Variants in CMYA5 observed in about 807,000 individuals in gnomAD.
CMYA5 encodes cardiomyopathy-associated protein 5.
Under a neutral mutation model 318.9 loss-of-function variants are expected in CMYA5, and 246 were observed. That is an observed-to-expected ratio of 0.77 (90% confidence interval 0.70 to 0.86). The LOEUF (loss-of-function observed/expected upper bound fraction) is 0.86. Among genes scored for constraint, CMYA5 ranks in the 40% least tolerant of loss-of-function variants. The pLI is 0.00. For missense variants in CMYA5, 4,589 were observed against 4,678.2 expected (o/e 0.98, Z 0.56); for synonymous variants, 1,641 against 1,729.5 (o/e 0.95, Z 1.27).
At chr5:79,766,601 T>C (rs544160877) in intron 9 of CMYA5, among the ~76,000 whole-genome samples, 1 of 152,326 alleles carries the variant, frequency 6.6e-6, no homozygotes, top group South Asian at 2.1e-4. Context: ...ATGTGATGGA[T>C]TATGTTTATT....
rs550255122 is a variant in CMYA5 at position 79,730,820 on chromosome 5, A to G, written c.2055A>G (p.Ser685=). 3 of 1,613,986 alleles carry G rather than the reference A, an allele frequency of 1.9e-6. No homozygotes were observed. Among genetic ancestry groups the G allele is most frequent in the Non-Finnish European group, 2.5e-6 (3 of 1,179,870 alleles). ...EYMVLSGDEA[S]ESGCYTPDST... The stretch of plus-strand genomic sequence containing the variant: ...TGGTCCTATCAGGAGACGAGGCCTC[A>G]GAAAGTGGGTGTTACACACCAGACT... The change falls in exon 2 of 13, where the codon TCA becomes TCG. Residue 685 remains serine (S), a synonymous_variant. Coordinates refer to ENST00000446378, the MANE Select transcript of CMYA5 (RefSeq NM_153610.5).
chr5:79,752,905 G>C, intron 6 of CMYA5, 111 bp downstream of exon 6: 1 of 680,134 alleles, frequency 1.5e-6, no homozygotes, highest in Non-Finnish European at 2.5e-6. Context: ...CATGTAACTG[G>C]AAAAAGAAAA....
At position 79,730,537 on chromosome 5, in the gene CMYA5, G is replaced by T. The variant is rs16877124; in HGVS notation, c.1772G>T (p.Gly591Val). The T allele has an allele frequency of 2.0e-5, 32 of 1,613,666 alleles. No individual in the cohort carries two copies. The highest frequency in any genetic ancestry group is 2.7e-5 in the Non-Finnish European group (32 of 1,179,868). ...EREEIASVST[G>V]SAFVSEYSVP... ...GAGGAAATTGCATCTGTTTCTACTG[G>T]TTCTGCTTTTGTATCAGAGTATTCA... The change falls in exon 2 of 13, where the codon GGT becomes GTT. Residue 591 changes from glycine to valine, a missense_variant. Transcript: ENST00000446378.
intron 10 of CMYA5, 148 bp from the exon 11 acceptor site, chr5:79,790,822 T>G: frequency 1.6e-6 from 1 of 612,606 alleles, no homozygotes; most frequent in South Asian, 2.0e-5. Flanking sequence ...TTATCATGAG[T>G]GAAGTTTTCA....
Position 79,714,490 on chromosome 5 carries a change from G to A in CMYA5, c.150-14425G>A, listed in dbSNP as rs1226346216. Among the ~76,000 whole-genome samples, 4 of 140,294 alleles carry A rather than the reference G, an allele frequency of 2.9e-5. No individual in the cohort carries two copies. The East Asian group carries it at 8.5e-4, about 30-fold the overall frequency. 92.0% of individuals were successfully genotyped at this position (140,294 alleles called of 152,430 possible). A position where few individuals can be genotyped will look rare whatever the true frequency, so the allele number is the denominator to read the frequency against. On this transcript the variant is annotated intron_variant, in intron 1 of 12. Transcript: ENST00000446378. The stretch of plus-strand genomic sequence containing the variant: ...GCTTTGTCTCCCAGGCTGGAGTGCA[G>A]TGCTGTGACTGACCATGGCTCACTG...
At chr5:79,746,082 C>A (rs1258158972) in intron 4 of CMYA5, among the ~76,000 whole-genome samples, 1 of 152,184 alleles carries the variant, frequency 6.6e-6, no homozygotes, top group Non-Finnish European at 1.5e-5. Flanking sequence ...GTGCTCCCTG[C>A]AATTCCCTAG....
intron 12 of CMYA5, among the ~76,000 whole-genome samples, chr5:79,796,274 A>G (rs259100): frequency 0.29 from 44,442 of 152,006 alleles, 6,938 homozygotes; most frequent in East Asian, 0.56. Flanking sequence ...AACACTAGAA[A>G]TGTGGCTGGT....
Position 79,734,142 on chromosome 5 carries a change from G to C in CMYA5, c.5377G>C (p.Glu1793Gln). The change falls in exon 2 of 13, where the codon GAA becomes CAA. Residue 1793 changes from glutamate to glutamine, a missense_variant. Physicochemically the swap from Glu to Gln is conservative, Grantham distance 29. Transcript: ENST00000446378. The stretch of plus-strand genomic sequence containing the variant: ...AGATATTTTAGATAAGCTAAGTGAA[G>C]AAACAGGCCACCCAAATTCATCCCA... ...MGDILDKLSE[E>Q]TGHPNSSQVL... 3.7e-6 allele frequency: 6 copies of C among 1,613,762 alleles called. No individual in the cohort carries two copies. Among genetic ancestry groups the C allele is most frequent in the Non-Finnish European group, 4.2e-6 (5 of 1,179,828 alleles).
At position 79,799,870 on chromosome 5, in the gene CMYA5, T is replaced by C; in HGVS notation, c.*254T>C. The C allele has an allele frequency of 5.7e-5, 9 of 158,418 alleles. No individual in the cohort carries two copies. Among genetic ancestry groups the C allele is most frequent in the South Asian group, 3.1e-4 (2 of 6,390 alleles). 9.8% of individuals were successfully genotyped at this position (158,418 alleles called of 1,614,324 possible). ...TATAAGTTTGAGTTCTTTCCTAAAT[T>C]AAAAGATCTACACTTGAGTTGGGAA... On this transcript the variant is annotated 3_prime_UTR_variant, in exon 13 of 13. Coordinates refer to ENST00000446378, the MANE Select transcript of CMYA5 (RefSeq NM_153610.5).
chr5:79,772,724 C>T (rs1165124218), intron 9 of CMYA5, among the ~76,000 whole-genome samples: 3 of 152,138 alleles, frequency 2.0e-5, no homozygotes, highest in Non-Finnish European at 4.4e-5. Flanking sequence ...ATTTTTATCT[C>T]TTTGGTTCTT....
At position 79,737,018 on chromosome 5, in the gene CMYA5, C is replaced by A. The variant is rs1160615240; in HGVS notation, c.8253C>A (p.Ser2751Arg). 4 of 1,613,484 alleles carry A rather than the reference C, an allele frequency of 2.5e-6. No individual in the cohort carries two copies. In the East Asian group the frequency reaches 8.9e-5, roughly 36 times the overall value. Reference sequence around the variant, plus strand: ...GAAATCTAGTGTTAGAAAAGTCAAGCAGAGATATGCCAGATCACAGTGAAG... The same window carrying A: ...GAAATCTAGTGTTAGAAAAGTCAAGAAGAGATATGCCAGATCACAGTGAAG... ...QEGNLVLEKS[S>R]RDMPDHSEEK... is the part of the protein sequence containing the mutation. The change falls in exon 2 of 13, where the codon AGC (serine) becomes AGA (arginine). Residue 2751 changes from serine to arginine, a missense_variant. This residue lies in a region of CMYA5 where 2,431 missense variants were observed against 2,495.1 expected (regional missense o/e 0.97). Coordinates refer to ENST00000446378, the MANE Select transcript of CMYA5 (RefSeq NM_153610.5).
intron 9 of CMYA5, among the ~76,000 whole-genome samples, chr5:79,776,818 A>G (rs926169102): frequency 7.3e-5 from 11 of 150,576 alleles, no homozygotes; most frequent in African/African-American, 2.8e-4. Context: ...TCTGTGGTAC[A>G]CTGCAGTGAC....
chr5:79,798,555 T>C (rs930165214), intron 12 of CMYA5, among the ~76,000 whole-genome samples: 1 of 146,728 alleles, frequency 6.8e-6, no homozygotes. Flanking sequence ...TAAATGTGTC[T>C]AGTAAACACT....
chr5:79,786,975 T>C (rs756330314), intron 9 of CMYA5, among the ~76,000 whole-genome samples: 1 of 152,224 alleles, frequency 6.6e-6, no homozygotes, highest in Non-Finnish European at 1.5e-5. Context: ...ACGGATCCCA[T>C]ATTTTGACTT....
chr5:79,759,675 A>C (rs1422598317), intron 7 of CMYA5, among the ~76,000 whole-genome samples: 4 of 152,236 alleles, frequency 2.6e-5, no homozygotes, highest in Non-Finnish European at 5.9e-5. Flanking sequence ...TGTTGAAGAC[A>C]GACCCACATA....
intron 6 of CMYA5, among the ~76,000 whole-genome samples, chr5:79,755,722 T>C (rs1418553146): frequency 6.6e-6 from 1 of 151,620 alleles, no homozygotes; most frequent in African/African-American, 2.4e-5. Context: ...GGAATATTCT[T>C]ATTCCCTTTT....
intron 1 of CMYA5, among the ~76,000 whole-genome samples, chr5:79,727,056 C>G (rs1265462608): frequency 6.6e-6 from 1 of 151,776 alleles, no homozygotes; most frequent in East Asian, 1.9e-4. Context: ...GCTGGGATTA[C>G]AGGCACCCAC....
In CMYA5 at chr5:79,734,348, G is replaced by A. The variant is rs766313732; in HGVS notation, c.5583G>A (p.Leu1861=). The A allele has an allele frequency of 1.7e-5, 28 of 1,613,748 alleles. No homozygotes were observed. The highest frequency in any genetic ancestry group is 6.8e-6 in the Non-Finnish European group (8 of 1,179,810). ...IKQFSLMREN[L]PLEQSKSFMT... is the part of the protein sequence containing the mutation. ...AGTTTTCACTTATGAGAGAGAATTT[G>A]CCTTTGGAACAATCAAAATCATTTA... is the stretch of plus-strand genomic sequence containing the variant. Residue 1861 remains leucine, a synonymous_variant, in exon 2 of 13, where the codon TTG becomes TTA. Coordinates refer to ENST00000446378, the MANE Select transcript of CMYA5 (RefSeq NM_153610.5).
At position 79,733,908 on chromosome 5, in the gene CMYA5, C is replaced by T. The variant is rs759029095; in HGVS notation, c.5143C>T (p.Pro1715Ser). The change falls in exon 2 of 13, where the codon CCT becomes TCT. Residue 1715 changes from proline to serine, a missense_variant. By Grantham distance (74) the Pro-to-Ser change is moderately conservative (BLOSUM62 -1). This residue lies in a region of CMYA5 where 2,132 missense variants were observed against 2,131.3 expected (regional missense o/e 1.00). Transcript: ENST00000446378. ...REESQNEEIK[P>S]FSPKIISLES... ...GGAATCTCAGAATGAAGAAATTAAACCTTTCTCTCCCAAGATCATCAGCCT... is the reference window on the plus strand; with the variant it reads ...GGAATCTCAGAATGAAGAAATTAAATCTTTCTCTCCCAAGATCATCAGCCT... 1.2e-4 allele frequency: 198 copies of T among 1,612,942 alleles called. No individual in the cohort carries two copies. Among genetic ancestry groups the T allele is most frequent in the Non-Finnish European group, 1.6e-4 (194 of 1,179,730 alleles).
Sources: allele counts gnomAD v4.1 joint callset (sites outside exome capture counted in the v4.1 genomes callset), GRCh38; gene constraint gnomAD v4.1.1; regional missense constraint gnomAD v4.1.1; transcripts MANE v1.5; gene names NCBI Gene and HGNC (gene_info 2026-07-23, HGNC 2026-07-21).